The following ADCY7 variants were observed in gnomAD, a reference collection of about 807,000 sequenced individuals.
The protein encoded by ADCY7 is adenylate cyclase type 7.
In ADCY7, 72 loss-of-function variants were observed where a neutral mutation model predicts 120.6. The observed-to-expected ratio is 0.60, with a 90% CI of 0.49 to 0.73. The LOEUF (loss-of-function observed/expected upper bound fraction) is 0.73. Among genes scored for constraint, ADCY7 ranks in the 30% least tolerant of loss-of-function variants. The pLI is 0.00. For missense variants in ADCY7, 1,227 were observed against 1,486.0 expected, an observed-to-expected ratio of 0.83 and a Z score of 2.87; for synonymous variants, 661 against 628.0, an observed-to-expected ratio of 1.05 and a Z score of -0.78.
intron 1 of ADCY7, among the ~76,000 whole-genome samples, chr16:50,252,617 T>TA (rs1596788248): frequency 1.3e-5 from 2 of 152,098 alleles, no homozygotes; most frequent in South Asian, 4.1e-4. Context: ...AGTTTGGTGT[T>TA]CAACAGATGG....
At chr16:50,293,644 C>T (rs1286091807) in intron 6 of ADCY7, 142 bp downstream of exon 6, 16 of 1,023,196 alleles carry the variant, frequency 1.6e-5, no homozygotes, top group Non-Finnish European at 2.3e-5. Context: ...GGTTCCAGGT[C>T]AATCTGGGGC....
chr16:50,311,727 A>C lies in ADCY7; in HGVS notation c.2389A>C (p.Thr797Pro). ...TAGCTGTTCCTGGAAGGACCTGAAGACCATGACCAATTTCTACCTGGTCCT... is the reference window on the plus strand; with the variant it reads ...TAGCTGTTCCTGGAAGGACCTGAAGCCCATGACCAATTTCTACCTGGTCCT... The part of the protein sequence containing the change: ...TPSCSWKDLK[T>P]MTNFYLVLFY... The change falls in exon 20 of 26, where the codon ACC (threonine) becomes CCC (proline). Residue 797 changes from threonine (T) to proline (P), a missense_variant. Thr to Pro is a conservative substitution (Grantham distance 38, BLOSUM62 -1). Coordinates refer to ENST00000673801, the MANE Select transcript of ADCY7 (RefSeq NM_001114.5). 4 of 1,611,112 alleles carry C rather than the reference A, an allele frequency of 2.5e-6. No individual in the cohort carries two copies. The highest frequency in any genetic ancestry group is 3.4e-6 in the Non-Finnish European group (4 of 1,179,370).
intron 7 of ADCY7, 59 bp from the exon 8 acceptor site, chr16:50,298,845 G>A: frequency 6.4e-7 from 1 of 1,571,364 alleles, no homozygotes; most frequent in Middle Eastern, 1.7e-4. Flanking sequence ...GGAGGCGGCT[G>A]TCGTGAGAGG....
At position 50,293,517 on chromosome 16, in the gene ADCY7, G is replaced by A. The variant is rs370311097; in HGVS notation, c.836+15G>A. On this transcript the variant is annotated intron_variant, in intron 6 of 25. Coordinates refer to ENST00000673801, the MANE Select transcript of ADCY7 (RefSeq NM_001114.5). Reference sequence around the variant, plus strand: ...CAGAATGTCAGGTGGGCGGTGAGACGTGTGATTAGCATATCCCGGGGACTG... The same window carrying A: ...CAGAATGTCAGGTGGGCGGTGAGACATGTGATTAGCATATCCCGGGGACTG... The A allele has an allele frequency of 4.5e-5, 73 of 1,613,074 alleles. No individual in the cohort carries two copies. Among genetic ancestry groups the A allele is most frequent in the East Asian group, 3.3e-4 (15 of 44,868 alleles).
Position 50,314,329 on chromosome 16 carries a change from T to C in ADCY7, c.2894T>C (p.Val965Ala). The C allele has an allele frequency of 6.2e-7, 1 of 1,614,158 alleles. No individual in the cohort carries two copies. The highest frequency in any genetic ancestry group is 8.5e-7 in the Non-Finnish European group (1 of 1,180,028). The change falls in exon 24 of 26, where the codon GTG (valine) becomes GCG (alanine). Residue 965 changes from valine (V) to alanine (A), a missense_variant. Coordinates refer to ENST00000673801, the MANE Select transcript of ADCY7 (RefSeq NM_001114.5). ...CAGCATGCCCACATTGGTGTCATGG[T>C]GGAGTTCAGCATCGCCCTGATGAGT... The part of the protein sequence containing the change: ...ERQHAHIGVM[V>A]EFSIALMSKL...
At chr16:50,279,295 C>T (rs768510229) in intron 1 of ADCY7, among the ~76,000 whole-genome samples, 8 of 152,170 alleles carry the variant, frequency 5.3e-5, no homozygotes, top group South Asian at 2.1e-4. Context: ...CTGGGCAGGA[C>T]GAGAACCACG....
At chr16:50,255,401 G>A (rs1354689833) in intron 1 of ADCY7, among the ~76,000 whole-genome samples, 1 of 5,824 alleles carries the variant, frequency 1.7e-4, no homozygotes, top group Admixed American at 2.4e-3. Context: ...CTCTGTTTCT[G>A]GAAAAAAAAA....
chr16:50,247,080 C>A (rs780632629), intron 1 of ADCY7, among the ~76,000 whole-genome samples: 8 of 151,934 alleles, frequency 5.3e-5, no homozygotes, highest in Non-Finnish European at 1.2e-4. Context: ...TGAATGAATG[C>A]ATGACCAACA....
chr16:50,300,302 C>G (rs2035630253), intron 8 of ADCY7, among the ~76,000 whole-genome samples: 1 of 152,072 alleles, frequency 6.6e-6, no homozygotes, highest in African/African-American at 2.4e-5. Flanking sequence ...AAACTCCTGA[C>G]CTCAGGTGAT....
chr16:50,259,875 G>C (rs1404262891), intron 1 of ADCY7, among the ~76,000 whole-genome samples: 1 of 152,198 alleles, frequency 6.6e-6, no homozygotes, highest in Non-Finnish European at 1.5e-5. Flanking sequence ...CACAGGAACA[G>C]ATCCCTGCAC....
Position 50,316,056 on chromosome 16 carries a change from A to C in ADCY7, c.*551A>C, listed in dbSNP as rs1377599564. On this transcript the variant is annotated 3_prime_UTR_variant, in exon 26 of 26. Coordinates refer to ENST00000673801, the MANE Select transcript of ADCY7 (RefSeq NM_001114.5). ...CGGTTTCAAACAGGTAGAGAGAAAA[A>C]CACCACAATTAACACTGTTACTTTT... The C allele has an allele frequency of 2.0e-5, 3 of 153,174 alleles. No individual in the cohort carries two copies. Among genetic ancestry groups the C allele is most frequent in the Non-Finnish European group, 2.9e-5 (2 of 68,662 alleles). The allele number at this position is 153,174 out of a possible 1,614,324, so 9.5% of individuals were successfully genotyped here.
chr16:50,288,347 G>A lies in ADCY7; in HGVS notation c.168G>A (p.Gln56=), dbSNP rs1181361076. Residue 56 remains glutamine, a synonymous_variant, in exon 2 of 26, where the codon CAG becomes CAA. Transcript: ENST00000673801. ...CCCTCATCATCATTGCCTTCAGCCA[G>A]GGGGTGAGTGAGGGCAGCCCCTGGG... The part of the protein sequence containing the change: ...CVALIIIAFS[Q]GDPSRHQAIL... 1 of 1,543,670 alleles carries A rather than the reference G, an allele frequency of 6.5e-7. No individual in the cohort carries two copies.
rs80077394 is a variant in ADCY7 at position 50,310,761 on chromosome 16, T to G, written c.2235T>G (p.Val745=). 27 of 1,614,056 alleles carry G rather than the reference T, an allele frequency of 1.7e-5. No homozygotes were observed. The highest frequency in any genetic ancestry group is 2.2e-5 in the Non-Finnish European group (26 of 1,180,028). ...VFLRMSLEPK[V]VLLTVALVAY... ...TGAGGATGAGCCTGGAGCCAAAGGT[T>G]GTGCTGCTGACAGTGGCCCTGGTGG... is the stretch of plus-strand genomic sequence containing the variant. Residue 745 remains valine (V), a synonymous_variant, in exon 19 of 26, where the codon GTT becomes GTG. Coordinates refer to ENST00000673801, the MANE Select transcript of ADCY7 (RefSeq NM_001114.5).
intron 1 of ADCY7, among the ~76,000 whole-genome samples, chr16:50,255,402 G>GGAAAAAAAAAAA (rs368044444): frequency 0.011 from 1,186 of 108,052 alleles, 37 homozygotes; most frequent in African/African-American, 0.041. Flanking sequence ...TCTGTTTCTG[G>GGAAAAAAAAAAA]AAAAAAAAAA....
chr16:50,308,923 G>C, intron 17 of ADCY7, 131 bp downstream of exon 17: 1 of 1,226,648 alleles, frequency 8.2e-7, no homozygotes, highest in Non-Finnish European at 1.1e-6. Flanking sequence ...GATGTGGGGG[G>C]TTCCCCTTTG....
intron 10 of ADCY7, 31 bp downstream of exon 10, chr16:50,301,245 G>A: frequency 1.3e-6 from 2 of 1,553,612 alleles, no homozygotes; most frequent in African/African-American, 2.7e-5. Context: ...CAGCTGGGGG[G>A]GACCCGGAGG....
intron 10 of ADCY7, among the ~76,000 whole-genome samples, chr16:50,303,285 G>A (rs1229722108): frequency 6.6e-6 from 1 of 152,202 alleles, no homozygotes; most frequent in Non-Finnish European, 1.5e-5. Flanking sequence ...CGTGGCTCCC[G>A]TGGCTAGGCA....
chr16:50,281,161 C>G (rs117444713), intron 1 of ADCY7, among the ~76,000 whole-genome samples: 1 of 152,222 alleles, frequency 6.6e-6, no homozygotes, highest in Non-Finnish European at 1.5e-5. Flanking sequence ...ACTAAGCGTG[C>G]CTTCTTGGCC....
chr16:50,249,721 C>T (rs2032697671), intron 1 of ADCY7, among the ~76,000 whole-genome samples: 1 of 152,238 alleles, frequency 6.6e-6, no homozygotes. Context: ...CAGGTAAGCA[C>T]ATTCTTTCTC....
Sources: allele counts gnomAD v4.1 joint callset (sites outside exome capture counted in the v4.1 genomes callset), GRCh38; gene constraint gnomAD v4.1.1; transcripts MANE v1.5; gene names NCBI Gene and HGNC (gene_info 2026-07-23, HGNC 2026-07-21).